Variants in ZNF831 observed in about 807,000 individuals in gnomAD.
ZNF831 encodes zinc finger protein 831, also known as chromosome 20 open reading frame 174.
In ZNF831, 59 loss-of-function variants were observed where a neutral mutation model predicts 95.8. The ratio of observed to expected loss-of-function variants is 0.62; its 90% CI spans 0.50 to 0.77. The LOEUF (loss-of-function observed/expected upper bound fraction) is 0.77, where lower values mean the gene tolerates loss of function less well. ZNF831 is among the 30% of genes least tolerant of loss of function. The pLI, the probability that ZNF831 is intolerant of heterozygous loss-of-function variation, is 0.00. For missense variants in ZNF831, 2,205 were observed against 2,164.0 expected, an observed-to-expected ratio of 1.02 and a Z score of -0.38; for synonymous variants, 961 against 925.5, an observed-to-expected ratio of 1.04 and a Z score of -0.70.
rs529821871 is a variant in ZNF831 at position 59,172,638 on chromosome 20, A to G, written c.-37+8431A>G. Among the ~76,000 whole-genome samples, 36 of 152,286 alleles carry G rather than the reference A, an allele frequency of 2.4e-4. No individual in the cohort carries two copies. In the East Asian group the frequency reaches 6.6e-3, roughly 28 times the overall value. Reference sequence around the variant, plus strand: ...TGTGTCATGCCAGGGAAGCTCCAGCATTCCGGCCTCACTAAATGCAGGTCA... The same window carrying G: ...TGTGTCATGCCAGGGAAGCTCCAGCGTTCCGGCCTCACTAAATGCAGGTCA... On this transcript the variant is annotated intron_variant, in intron 1 of 5. Transcript: ENST00000371030.
At chr20:59,171,728 T>C (rs1302395863) in intron 1 of ZNF831, among the ~76,000 whole-genome samples, 2 of 152,178 alleles carry the variant, frequency 1.3e-5, no homozygotes, top group Non-Finnish European at 2.9e-5. Context: ...ATAAAACTCA[T>C]TCATATAACA....
rs945276054 is a variant in ZNF831 at position 59,235,571 on chromosome 20, G to C, written c.4028-17407G>C. ...TTACCCAAACCAGAACTTTATTGGA[G>C]ACATAAATTACTTTTATTTTCATTG... On this transcript the variant is annotated intron_variant, in intron 4 of 5. Coordinates refer to ENST00000371030, the MANE Select transcript of ZNF831 (RefSeq NM_178457.3). Among the ~76,000 whole-genome samples, 7 of 152,074 alleles carry C rather than the reference G, an allele frequency of 4.6e-5. No homozygotes were observed. The East Asian group carries it at 5.8e-4, about 13-fold the overall frequency.
At chr20:59,144,092 T>A (rs972156333) in intron 1 of ZNF831, among the ~76,000 whole-genome samples, 3 of 152,236 alleles carry the variant, frequency 2.0e-5, no homozygotes, top group Non-Finnish European at 2.9e-5. Context: ...TTCTTTTTTT[T>A]AAAATCATGT....
chr20:59,126,485 G>A (rs1979174330), intron 1 of ZNF831, among the ~76,000 whole-genome samples: 1 of 152,170 alleles, frequency 6.6e-6, no homozygotes, highest in Admixed American at 6.5e-5. Flanking sequence ...TGTGCACACT[G>A]AAGTTTGTTT....
At chr20:59,138,105 T>C (rs972578799) in intron 1 of ZNF831, among the ~76,000 whole-genome samples, 7 of 152,262 alleles carry the variant, frequency 4.6e-5, no homozygotes, top group African/African-American at 1.7e-4. Flanking sequence ...AAAACTGTGA[T>C]TAACACCGAT....
chr20:59,125,914 G>C (rs1027093897), intron 1 of ZNF831, among the ~76,000 whole-genome samples: 80 of 151,998 alleles, frequency 5.3e-4, no homozygotes, highest in African/African-American at 1.8e-3. Context: ...AGAGCAAACT[G>C]TTCTGAAGGA....
chr20:59,153,076 C>G (rs1980335198), intron 2 of ZNF831, among the ~76,000 whole-genome samples: 1 of 152,102 alleles, frequency 6.6e-6, no homozygotes, highest in Non-Finnish European at 1.5e-5. Context: ...TACAACTTGA[C>G]CAAAATCCCA....
chr20:59,157,141 G>A (rs1215670924), intron 2 of ZNF831, among the ~76,000 whole-genome samples: 1 of 152,074 alleles, frequency 6.6e-6, no homozygotes, highest in African/African-American at 2.4e-5. Context: ...TAGTCATCCT[G>A]TTGTGCTATC....
rs1020221362 is a variant in ZNF831 at position 59,255,447 on chromosome 20, C to T, written c.*704C>T. The T allele has an allele frequency of 6.6e-6, 1 of 152,250 alleles. No homozygotes were observed. The highest frequency in any genetic ancestry group is 6.5e-5 in the Admixed American group (1 of 15,270). The allele number at this position is 152,250 out of a possible 1,614,324, so 9.4% of individuals were successfully genotyped here. A position where few individuals can be genotyped will look rare whatever the true frequency, so the allele number is the denominator to read the frequency against. On this transcript the variant is annotated 3_prime_UTR_variant, in exon 6 of 6. Coordinates refer to ENST00000371030, the MANE Select transcript of ZNF831 (RefSeq NM_178457.3). ...CTTATTTATGGTCAGATGATGCAAG[C>T]ACATGCTCTTGTGCCTGGTGCGTTT...
At chr20:59,250,970 G>C (rs193194752) in intron 4 of ZNF831, among the ~76,000 whole-genome samples, 1 of 152,162 alleles carries the variant, frequency 6.6e-6, no homozygotes, top group East Asian at 1.9e-4. Flanking sequence ...GAAATAACAG[G>C]TAAGTTCAAG....
At chr20:59,224,473 C>T (rs1383442623) in intron 4 of ZNF831, among the ~76,000 whole-genome samples, 2 of 152,238 alleles carry the variant, frequency 1.3e-5, no homozygotes, top group Admixed American at 6.5e-5. Flanking sequence ...CCCTGATCAT[C>T]TGATATACTC....
chr20:59,246,638 G>A (rs370793091), intron 4 of ZNF831, among the ~76,000 whole-genome samples: 2 of 152,038 alleles, frequency 1.3e-5, no homozygotes, highest in African/African-American at 4.8e-5. Flanking sequence ...TTTAAACACC[G>A]CTTTGCACTG....
Position 59,254,702 on chromosome 20 carries a change from A to G in ZNF831, c.4993A>G (p.Thr1665Ala), listed in dbSNP as rs1988095193. The G allele has an allele frequency of 6.2e-7, 1 of 1,613,170 alleles. No homozygotes were observed. Residue 1665 changes from threonine to alanine, a missense_variant, in exon 6 of 6, where the codon ACC becomes GCC. Physicochemically the swap from Thr to Ala is moderately conservative, Grantham distance 58 (BLOSUM62 0). Coordinates refer to ENST00000371030, the MANE Select transcript of ZNF831 (RefSeq NM_178457.3). The surrounding 1 kb of genome is among the most constrained non-coding windows in gnomAD (Gnocchi z 4.5). Reference sequence around the variant, plus strand: ...GCAAACTCGAGTAGAGTTCAGTGACACCAGCAGCGACGATGAAGACCGATT... The same window carrying G: ...GCAAACTCGAGTAGAGTTCAGTGACGCCAGCAGCGACGATGAAGACCGATT... ...RKQTRVEFSDTSSDDEDRLVI... is the reference protein window; with the variant it reads ...RKQTRVEFSDASSDDEDRLVI...
Position 59,254,151 on chromosome 20 carries a change from T to C in ZNF831, c.4442T>C (p.Phe1481Ser), listed in dbSNP as rs1452915440. The change falls in exon 6 of 6, where the codon TTT (phenylalanine) becomes TCT (serine). Residue 1481 changes from phenylalanine to serine, a missense_variant. Transcript: ENST00000371030. The surrounding 1 kb of genome is among the most constrained non-coding windows in gnomAD (Gnocchi z 4.5). ...RPSSFGSKGT[F>S]PHHDIATSVA... ...TCTTCCTTTGGGTCCAAAGGAACTT[T>C]TCCCCACCATGACATTGCTACCTCT... 4 of 1,614,094 alleles carry C rather than the reference T, an allele frequency of 2.5e-6. No individual in the cohort carries two copies. The highest frequency in any genetic ancestry group is 1.6e-4 in the Middle Eastern group (1 of 6,062).
chr20:59,234,327 G>A (rs1986888657), intron 4 of ZNF831, among the ~76,000 whole-genome samples: 1 of 146,906 alleles, frequency 6.8e-6, no homozygotes, highest in Admixed American at 6.8e-5. Flanking sequence ...GTGTGACCAA[G>A]GTCCCATGCT....
At chr20:59,219,074 G>A (rs1369423467) in intron 4 of ZNF831, among the ~76,000 whole-genome samples, 2 of 152,110 alleles carry the variant, frequency 1.3e-5, no homozygotes, top group African/African-American at 2.4e-5. Flanking sequence ...AGAAGTGGGG[G>A]TCAGGCAAGT....
intron 4 of ZNF831, among the ~76,000 whole-genome samples, chr20:59,210,503 T>C (rs1400581039): frequency 1.3e-5 from 2 of 152,150 alleles, no homozygotes; most frequent in Non-Finnish European, 2.9e-5. Flanking sequence ...CACCTGCTCC[T>C]CTCTCCCCCT....
intron 4 of ZNF831, among the ~76,000 whole-genome samples, chr20:59,230,796 C>T (rs1298193698): frequency 6.6e-6 from 1 of 152,194 alleles, no homozygotes; most frequent in Admixed American, 6.5e-5. Context: ...TAACCTTTCA[C>T]ATTACCATGG....
chr20:59,222,558 CT>C (rs1986156039), intron 4 of ZNF831, among the ~76,000 whole-genome samples: 2 of 151,758 alleles, frequency 1.3e-5, no homozygotes, highest in African/African-American at 4.8e-5. Context: ...TTTACCAAAA[CT>C]TTTTATGAAA....
Sources: gnomAD v4.1 joint callset for allele counts (sites outside exome capture counted in the v4.1 genomes callset) on GRCh38, gnomAD v4.1.1 for gene constraint, Gnocchi (gnomAD v3.1) non-coding constraint, MANE v1.5 for transcripts, NCBI Gene and HGNC (gene_info 2026-07-23, HGNC 2026-07-21) for gene names.